Variants in DMD observed in about 807,000 individuals in gnomAD.
DMD encodes the protein mutant dystrophin.
A neutral mutation model predicts 330.1 loss-of-function variants in DMD; 63 were observed. That is an observed-to-expected ratio of 0.19 (90% CI 0.16 to 0.24). The LOEUF is 0.24. Among genes scored for constraint, DMD ranks in the 10% least tolerant of loss-of-function variants. DMD has a pLI of 1.00. For synonymous variants in DMD, 1,223 were observed against 959.8 expected (o/e 1.27, Z -5.07); for missense variants, 3,344 against 2,684.1 (o/e 1.25, Z -5.43).
At chrX:32,558,953 T>TTTTTC (rs2050670581) in intron 16 of DMD, among the ~76,000 whole-genome samples, 1 of 82,733 alleles carries the variant, frequency 1.2e-5, no homozygotes, top group African/African-American at 5.0e-5. Context: ...TTTTTTTTTT[T>TTTTTC]TTTTTTTTTT....
chrX:32,908,583 A>G (rs1261784798), intron 2 of DMD, among the ~76,000 whole-genome samples: 2 of 111,800 alleles, frequency 1.8e-5, no homozygotes, highest in African/African-American at 3.2e-5. Context: ...CTTTCTTCTC[A>G]TGAGACTTTA....
At position 32,342,181 on chromosome X, in the gene DMD, T is replaced by A; in HGVS notation, c.5841A>T (p.Pro1947=). ...SEDGAAMAVE[P]TQIQLSKRWR... ...AGCGCTTGCTGAGCTGGATCTGAGT[T>A]GGCTCCACTGCCATTGCGGCCCCAT... Residue 1947 remains proline (P), a synonymous_variant, in exon 41 of 79, where the codon CCA becomes CCT. Transcript: ENST00000357033. 1.7e-6 allele frequency: 2 copies of A among 1,210,861 alleles called. No homozygotes were observed. The highest frequency in any genetic ancestry group is 5.9e-5 in the East Asian group (2 of 33,777).
chrX:32,659,426 T>C (rs1238816237), intron 9 of DMD, among the ~76,000 whole-genome samples: 2 of 111,521 alleles, frequency 1.8e-5, no homozygotes, highest in African/African-American at 6.5e-5. Flanking sequence ...GCATCTATAG[T>C]GCTTCTGTGG....
chrX:32,485,350 C>T (rs1436448689), intron 20 of DMD, among the ~76,000 whole-genome samples: 2 of 110,731 alleles, frequency 1.8e-5, no homozygotes, highest in Non-Finnish European at 3.8e-5. Flanking sequence ...TAATTTAGAG[C>T]ATTAATGGGT....
chrX:32,348,468 G>A lies in DMD; in HGVS notation c.5386C>T (p.Pro1796Ser), dbSNP rs758124706. 5.8e-6 allele frequency: 7 copies of A among 1,206,363 alleles called. No individual in the cohort carries two copies. In the South Asian group the frequency reaches 1.2e-4, roughly 21 times the overall value. The change falls in exon 38 of 79, where the codon CCA (proline) becomes TCA (serine). Residue 1796 changes from proline (P) to serine (S), a missense_variant. By Grantham distance (74) the Pro-to-Ser change is moderately conservative. Transcript: ENST00000357033. ...CCCTGCTGAATTTCAGCCTCCAGTG[G>A]TTCAAGCAATTTTTGTATATCTGAG... ...FNSDIQKLLE[P>S]LEAEIQQGVN...
chrX:32,341,623 G>C (rs768144863), intron 41 of DMD, among the ~76,000 whole-genome samples: 6 of 111,864 alleles, frequency 5.4e-5, no homozygotes, highest in African/African-American at 1.6e-4. Flanking sequence ...TGAGGATTAA[G>C]CTATTATTCT....
intron 43 of DMD, among the ~76,000 whole-genome samples, chrX:32,266,793 G>A (rs2097346364): frequency 8.9e-6 from 1 of 111,790 alleles, no homozygotes; most frequent in Non-Finnish European, 1.9e-5. Context: ...ATAAATAGTT[G>A]TATAATAATA....
chrX:31,244,937 A>C (rs935301632), intron 63 of DMD, among the ~76,000 whole-genome samples: 1 of 111,885 alleles, frequency 8.9e-6, no homozygotes, highest in Admixed American at 9.5e-5. Context: ...CTGTTGCCCT[A>C]AAGTTTGAAA....
intron 49 of DMD, among the ~76,000 whole-genome samples, chrX:31,834,903 C>CA (rs1174362164): frequency 3.6e-5 from 4 of 111,041 alleles, no homozygotes; most frequent in Non-Finnish European, 7.6e-5. Flanking sequence ...CTGTCTGCTA[C>CA]AAAAATGGTT....
intron 27 of DMD, among the ~76,000 whole-genome samples, chrX:32,448,004 A>G (rs372832272): frequency 6.3e-5 from 7 of 111,248 alleles, no homozygotes; most frequent in African/African-American, 2.3e-4. Flanking sequence ...GGCAATTACT[A>G]AAGACAATTG....
intron 1 of DMD, among the ~76,000 whole-genome samples, chrX:33,148,843 C>T (rs1324535389): frequency 4.5e-5 from 5 of 111,390 alleles, no homozygotes; most frequent in African/African-American, 6.5e-5. Context: ...AGAGATAAAT[C>T]GTATGCTTTG....
intron 44 of DMD, among the ~76,000 whole-genome samples, chrX:32,110,672 A>C (rs1910243117): frequency 9.0e-6 from 1 of 111,224 alleles, no homozygotes; most frequent in Non-Finnish European, 1.9e-5. Context: ...GGCTAGCTAC[A>C]CTAGGGGGAA....
chrX:32,071,956 G>T (rs916841177), intron 44 of DMD, among the ~76,000 whole-genome samples: 9 of 111,662 alleles, frequency 8.1e-5, no homozygotes, highest in Non-Finnish European at 1.5e-4. Context: ...CTCTGGAATT[G>T]ATTTCTCTAT....
At chrX:31,935,067 C>T (rs946857789) in intron 45 of DMD, among the ~76,000 whole-genome samples, 1 of 111,838 alleles carries the variant, frequency 8.9e-6, no homozygotes, top group African/African-American at 3.3e-5. Context: ...GCTCTTCTGG[C>T]CTCTCCAAAA....
At chrX:33,083,328 T>C (rs57028233) in intron 1 of DMD, among the ~76,000 whole-genome samples, 1,366 of 112,274 alleles carry the variant, frequency 0.012, 43 homozygotes, top group East Asian at 0.11. Flanking sequence ...CCCAGCAAAA[T>C]ACACATAACA....
Position 32,845,448 on chromosome X carries a change from T to G in DMD, c.187-588A>C, listed in dbSNP as rs189585054. Among the ~76,000 whole-genome samples the G allele has an allele frequency of 9.8e-5, 11 of 112,264 alleles. No homozygotes were observed. The Admixed American group carries it at 1.0e-3, about 11-fold the overall frequency. On this transcript the variant is annotated intron_variant, in intron 3 of 78. Transcript: ENST00000357033. Reference sequence around the variant, plus strand: ...GTAATATACAAATTAACTCATTTATTAAGTTGTAGAGTTTTAGAAATTCTA... The same window carrying G: ...GTAATATACAAATTAACTCATTTATGAAGTTGTAGAGTTTTAGAAATTCTA...
At chrX:32,490,714 G>GT (rs1603634725) in intron 20 of DMD, among the ~76,000 whole-genome samples, 1 of 111,774 alleles carries the variant, frequency 8.9e-6, no homozygotes, top group African/African-American at 3.3e-5. Flanking sequence ...ACTAAAAGGG[G>GT]TAAGAACTCT....
At chrX:31,460,194 C>T (rs2066444256) in intron 59 of DMD, among the ~76,000 whole-genome samples, 1 of 111,646 alleles carries the variant, frequency 9.0e-6, no homozygotes, top group South Asian at 3.8e-4. Flanking sequence ...ATCCTCCTTC[C>T]TCAACCACTT....
intron 2 of DMD, among the ~76,000 whole-genome samples, chrX:32,892,308 T>C (rs62593383): frequency 0.045 from 5,057 of 112,364 alleles, 92 homozygotes; most frequent in African/African-American, 0.053. Context: ...GGCTACACAT[T>C]AGCATCACCC....
Sources: gnomAD v4.1 joint callset for allele counts (sites outside exome capture counted in the v4.1 genomes callset) on GRCh38, gnomAD v4.1.1 for gene constraint, MANE v1.5 for transcripts, NCBI Gene and HGNC (gene_info 2026-07-23, HGNC 2026-07-21) for gene names.